Variants in SPMIP11 observed in about 807,000 individuals in gnomAD.
SPMIP11 encodes the protein sperm microtubule inner protein 11.
At chr12:48,733,738 G>A in the SPMIP11 span, among the ~76,000 whole-genome samples, 1 of 150,282 alleles carries the variant, frequency 6.7e-6, no homozygotes, top group Non-Finnish European at 1.5e-5. Context: ...GATAAGAGGG[G>A]ACTACTGTAT....
At chr12:48,768,204 G>A in the SPMIP11 span, 1 of 278,206 alleles carries the variant, frequency 3.6e-6, no homozygotes, top group Non-Finnish European at 6.9e-6. Context: ...AGAGGGAAAA[G>A]AAGGGCTCAG....
chr12:48,746,766 C>T, the SPMIP11 span, among the ~76,000 whole-genome samples: 1 of 150,000 alleles, frequency 6.7e-6, no homozygotes, highest in African/African-American at 2.4e-5. Flanking sequence ...ACTGAAAATA[C>T]AAAAATTAGC....
the SPMIP11 span, among the ~76,000 whole-genome samples, chr12:48,757,179 G>C: frequency 3.3e-5 from 5 of 152,076 alleles, no homozygotes; most frequent in Non-Finnish European, 5.9e-5. Context: ...ACAGCCAAGA[G>C]ACAGAAATCT....
chr12:48,756,040 G>C, the SPMIP11 span, among the ~76,000 whole-genome samples: 5 of 150,922 alleles, frequency 3.3e-5, no homozygotes, highest in South Asian at 6.3e-4. Context: ...ACCACACCTG[G>C]CTAATTTTTT....
the SPMIP11 span, among the ~76,000 whole-genome samples, chr12:48,769,233 C>A: frequency 6.6e-6 from 1 of 151,818 alleles, no homozygotes; most frequent in Non-Finnish European, 1.5e-5. Context: ...CATGGTGAAA[C>A]CCTATCTTTA....
At chr12:48,742,108 G>A in the SPMIP11 span, among the ~76,000 whole-genome samples, 3 of 151,878 alleles carry the variant, frequency 2.0e-5, no homozygotes, top group South Asian at 6.2e-4. Flanking sequence ...TAGACACAGG[G>A]TCTCACTTGT....
chr12:48,762,219 C>G, the SPMIP11 span, among the ~76,000 whole-genome samples: 9 of 146,166 alleles, frequency 6.2e-5, no homozygotes, highest in Admixed American at 2.8e-4. Flanking sequence ...CCACCATGCC[C>G]GGCTAATTTT....
the SPMIP11 span, among the ~76,000 whole-genome samples, chr12:48,730,942 C>T: frequency 6.6e-6 from 1 of 151,816 alleles, no homozygotes; most frequent in Admixed American, 6.6e-5. Flanking sequence ...CTGTCCCCGC[C>T]CCCCAAAAAA....
the SPMIP11 span, among the ~76,000 whole-genome samples, chr12:48,757,345 G>T: frequency 1.3e-5 from 2 of 152,026 alleles, no homozygotes; most frequent in African/African-American, 4.8e-5. Context: ...AGCAGAATAT[G>T]AATGTATTAA....
At chr12:48,761,705 A>T in the SPMIP11 span, among the ~76,000 whole-genome samples, 1 of 147,646 alleles carries the variant, frequency 6.8e-6, no homozygotes, top group Non-Finnish European at 1.5e-5. Context: ...GTATGATGCC[A>T]TTTATATAAC....
At chr12:48,741,816 T>C in the SPMIP11 span, among the ~76,000 whole-genome samples, 1 of 152,162 alleles carries the variant, frequency 6.6e-6, no homozygotes, top group Middle Eastern at 3.4e-3. Context: ...ATTGTTTTGA[T>C]TTCTAGTAGA....
the SPMIP11 span, among the ~76,000 whole-genome samples, chr12:48,760,728 T>C: frequency 3.3e-5 from 5 of 152,062 alleles, no homozygotes; most frequent in Middle Eastern, 0.014. Context: ...GGTTTCACCA[T>C]GTTGGCCAGG....
chr12:48,761,903 T>A, the SPMIP11 span, among the ~76,000 whole-genome samples: 5 of 149,060 alleles, frequency 3.4e-5, no homozygotes, highest in Non-Finnish European at 6.0e-5. Context: ...TTTTTTTTTT[T>A]AATAGAGACA....
the SPMIP11 span, among the ~76,000 whole-genome samples, chr12:48,732,867 G>C: frequency 6.8e-6 from 1 of 147,126 alleles, no homozygotes; most frequent in East Asian, 2.2e-4. Flanking sequence ...GTGGCTGGGA[G>C]CGGTGGCTCA....
At chr12:48,753,609 C>T in the SPMIP11 span, among the ~76,000 whole-genome samples, 1 of 152,016 alleles carries the variant, frequency 6.6e-6, no homozygotes, top group African/African-American at 2.4e-5. Context: ...TGGTGAACTA[C>T]CTGTTAGGAG....
the SPMIP11 span, chr12:48,768,400 G>C: frequency 2.7e-6 from 2 of 747,302 alleles, no homozygotes; most frequent in Non-Finnish European, 2.2e-6. Context: ...TAATCCTCTC[G>C]GTAGGTAGCC....
the SPMIP11 span, among the ~76,000 whole-genome samples, chr12:48,762,059 T>TC: frequency 7.6e-6 from 1 of 131,080 alleles, no homozygotes; most frequent in Non-Finnish European, 1.6e-5. Context: ...TTTTTTTTTT[T>TC]TTTTTTTTTT....
chr12:48,768,399 C>G, the SPMIP11 span: 10 of 742,644 alleles, frequency 1.3e-5, no homozygotes, highest in African/African-American at 1.1e-4. Context: ...ATAATCCTCT[C>G]GGTAGGTAGC....
chr12:48,737,512 T>C, the SPMIP11 span, among the ~76,000 whole-genome samples: 3 of 151,666 alleles, frequency 2.0e-5, no homozygotes, highest in Non-Finnish European at 2.9e-5. Context: ...CCTCCTGGGT[T>C]CAAGCGATTC....
Sources: gnomAD v4.1 joint callset for allele counts (sites outside exome capture counted in the v4.1 genomes callset) on GRCh38, gnomAD v4.1.1 for gene constraint, MANE v1.5 for transcripts, NCBI Gene and HGNC (gene_info 2026-07-23, HGNC 2026-07-21) for gene names.